Variants in BRD1 observed in about 807,000 individuals in gnomAD.
BRD1 encodes bromodomain containing 1, also known as bromodomain-containing protein 1.
A neutral mutation model predicts 107.7 loss-of-function variants in BRD1; 24 were observed. The ratio of observed to expected loss-of-function variants is 0.22; its 90% CI spans 0.16 to 0.31. The LOEUF is 0.31. BRD1 is among the 10% of genes least tolerant of loss of function. The probability of loss-of-function intolerance (pLI) is 1.00; values close to 1 mark genes in which losing one functional copy is unlikely to be tolerated. For synonymous variants in BRD1, 744 were observed against 686.1 expected, an observed-to-expected ratio of 1.08 and a Z score of -1.32; for missense variants, 1,279 against 1,638.6, an observed-to-expected ratio of 0.78 and a Z score of 3.79.
chr22:49,827,102 G>A (rs1415971363), intron 1 of BRD1, among the ~76,000 whole-genome samples: 4 of 151,848 alleles, frequency 2.6e-5, no homozygotes, highest in Non-Finnish European at 5.9e-5. Flanking sequence ...TGTTACATAA[G>A]GGGCGGCCCG....
rs2059582647 is a variant in BRD1 at position 49,798,682 on chromosome 22, T to C, written c.1661A>G (p.Lys554Arg). Reference protein sequence around the residue: ...KREKLKREQVKVEQVAMELRL... With the variant: ...KREKLKREQVRVEQVAMELRL... ...CAGCTCCATGGCGACCTGCTCCACC[T>C]TCACCTGGGGGGGCCCAGCAGAGCC... The change falls in exon 5 of 13, where the codon AAG (lysine) becomes AGG (arginine). Residue 554 changes from lysine (K) to arginine (R), a missense_variant. Lys to Arg is a conservative substitution (Grantham distance 26). Around this residue, in one of 7 missense-constraint regions of BRD1, gnomAD observed 406 missense variants for 519.4 expected, o/e 0.78. Transcript: ENST00000404760. 1 of 1,602,790 alleles carries C rather than the reference T, an allele frequency of 6.2e-7. No homozygotes were observed.
At chr22:49,779,828 C>T (rs771000918) in intron 8 of BRD1, among the ~76,000 whole-genome samples, 12 of 152,176 alleles carry the variant, frequency 7.9e-5, no homozygotes, top group Admixed American at 4.6e-4. Flanking sequence ...CCACCCAGCT[C>T]GCATCAGCAG....
At chr22:49,810,842 C>G (rs2059836403) in intron 2 of BRD1, among the ~76,000 whole-genome samples, 1 of 152,198 alleles carries the variant, frequency 6.6e-6, no homozygotes, top group African/African-American at 2.4e-5. Flanking sequence ...AACAATCTGG[C>G]ACTTCCTCAA....
intron 7 of BRD1, among the ~76,000 whole-genome samples, chr22:49,789,536 C>T (rs1258807460): frequency 6.6e-6 from 1 of 150,886 alleles, no homozygotes; most frequent in African/African-American, 2.4e-5. Flanking sequence ...CATTCAACTG[C>T]TCACTGCAAT....
At chr22:49,775,407 C>T in intron 12 of BRD1, 184 bp downstream of exon 12, 3 of 521,702 alleles carry the variant, frequency 5.8e-6, no homozygotes, top group Admixed American at 6.9e-5. Flanking sequence ...TCCCACAGTC[C>T]CGGCGAGGGG....
intron 4 of BRD1, 87 bp from the exon 5 acceptor site, chr22:49,798,773 C>A: frequency 6.8e-7 from 1 of 1,464,758 alleles, no homozygotes; most frequent in South Asian, 1.4e-5. Context: ...AAGCAGCCCC[C>A]ACAGGCTCCT....
At chr22:49,788,010 G>T in intron 7 of BRD1, 123 bp from the exon 8 acceptor site, 1 of 1,005,822 alleles carries the variant, frequency 9.9e-7, no homozygotes. Flanking sequence ...GGCATCGCAT[G>T]TACTGTCTGC....
At chr22:49,788,817 A>C (rs1388494463) in intron 7 of BRD1, among the ~76,000 whole-genome samples, 1 of 152,246 alleles carries the variant, frequency 6.6e-6, no homozygotes, top group Non-Finnish European at 1.5e-5. Flanking sequence ...GTGATTATTT[A>C]AAGTGACATA....
chr22:49,798,747 C>T (rs1306053959), intron 4 of BRD1, 61 bp from the exon 5 acceptor site: 18 of 1,487,534 alleles, frequency 1.2e-5, no homozygotes, highest in African/African-American at 2.8e-5. Flanking sequence ...AGCCCCACCA[C>T]GCGCCCCACA....
At chr22:49,781,598 AGCCCGCCCCT>A (rs542672773) in intron 8 of BRD1, among the ~76,000 whole-genome samples, 365 of 152,298 alleles carry the variant, frequency 2.4e-3, no homozygotes, top group Non-Finnish European at 3.4e-3. Context: ...ACGGGATACA[AGCCCGCCCCT>A]GCCCGCCCCT....
chr22:49,797,688 C>T (rs756705515), intron 6 of BRD1, 117 bp downstream of exon 6: 21 of 998,704 alleles, frequency 2.1e-5, no homozygotes, highest in South Asian at 3.8e-5. Context: ...ATGATGTATG[C>T]GGTTGCATGC....
intron 7 of BRD1, among the ~76,000 whole-genome samples, chr22:49,793,478 C>T (rs554351513): frequency 4.6e-5 from 7 of 152,302 alleles, no homozygotes; most frequent in African/African-American, 1.7e-4. Flanking sequence ...TGCTACCTAC[C>T]AACTCTGCAG....
chr22:49,810,818 C>T (rs1310691451), intron 2 of BRD1, among the ~76,000 whole-genome samples: 2 of 152,222 alleles, frequency 1.3e-5, no homozygotes, highest in African/African-American at 4.8e-5. Flanking sequence ...TACAGGGGTA[C>T]AGCTGCCTTG....
chr22:49,781,707 A>C (rs2059212144), intron 8 of BRD1, among the ~76,000 whole-genome samples: 1 of 152,276 alleles, frequency 6.6e-6, no homozygotes, highest in African/African-American at 2.4e-5. Context: ...TGCACCCTGA[A>C]GACCAGAGCC....
At position 49,823,745 on chromosome 22, in the gene BRD1, G is replaced by A. The variant is rs2060111504; in HGVS notation, c.573C>T (p.Asp191=). ...VSQSMFEFLM[D]RFEKESHCEN... Reference sequence around the variant, plus strand: ...CGCAGTGCGACTCCTTCTCGAAGCGGTCCATCAGGAACTCAAACATGCTCT... The same window carrying A: ...CGCAGTGCGACTCCTTCTCGAAGCGATCCATCAGGAACTCAAACATGCTCT... The change falls in exon 2 of 13, where the codon GAC becomes GAT. Residue 191 remains aspartate (D), a synonymous_variant. Coordinates refer to ENST00000404760, the MANE Select transcript of BRD1 (RefSeq NM_001304808.3). The A allele has an allele frequency of 6.2e-7, 1 of 1,614,024 alleles. No homozygotes were observed. Among genetic ancestry groups the A allele is most frequent in the South Asian group, 1.1e-5 (1 of 91,088 alleles).
chr22:49,824,432 A>G lies in BRD1; in HGVS notation c.-14-101T>C. 4.0e-6 allele frequency: 6 copies of G among 1,493,326 alleles called. No individual in the cohort carries two copies. Among genetic ancestry groups the G allele is most frequent in the Non-Finnish European group, 5.3e-6 (6 of 1,129,302 alleles). 92.5% of individuals were successfully genotyped at this position (1,493,326 alleles called of 1,614,324 possible). On this transcript the variant is annotated intron_variant, in intron 1 of 12. Transcript: ENST00000404760. This position sits in a 1 kb window ranked among gnomAD's most constrained non-coding sequence, Gnocchi z 5.9. ...GGACAGATCTAGCTCAGCAGCTCAA[A>G]GCCCAATCAAAGCAAAACTCACAGC...
chr22:49,796,704 A>G (rs2059538741), intron 6 of BRD1, among the ~76,000 whole-genome samples: 3 of 152,186 alleles, frequency 2.0e-5, no homozygotes, highest in Admixed American at 1.3e-4. Context: ...CAATCCTCAC[A>G]GGTGCCGAGT....
At chr22:49,778,214 G>A (rs150684342) in intron 8 of BRD1, among the ~76,000 whole-genome samples, 2,927 of 152,284 alleles carry the variant, frequency 0.019, 83 homozygotes, top group African/African-American at 0.066. Context: ...GCGTTTGAAC[G>A]GAAACTTCAC....
At chr22:49,774,733 G>A (rs2059047989) in intron 12 of BRD1, among the ~76,000 whole-genome samples, 1 of 152,282 alleles carries the variant, frequency 6.6e-6, no homozygotes, top group South Asian at 2.1e-4. Context: ...GGTGGGCCCT[G>A]GAGCAGAGGC....
Sources: gnomAD v4.1 joint callset for allele counts (sites outside exome capture counted in the v4.1 genomes callset) on GRCh38, gnomAD v4.1.1 for gene constraint, gnomAD v4.1.1 regional missense constraint, Gnocchi (gnomAD v3.1) non-coding constraint, MANE v1.5 for transcripts, NCBI Gene and HGNC (gene_info 2026-07-23, HGNC 2026-07-21) for gene names.